The following RAB38 variants were observed in gnomAD, a reference collection of about 807,000 sequenced individuals.
RAB38 encodes the protein ras-related protein Rab-38.
RAB38 carries 15 observed loss-of-function variants against 18.4 expected under a neutral mutation model. The ratio of observed to expected loss-of-function variants is 0.82; its 90% CI spans 0.55 to 1.26. RAB38 has a LOEUF of 1.26. Ranked by LOEUF, RAB38 falls within the 50% of genes most tolerant of loss-of-function variation. The pLI, the probability that RAB38 is intolerant of heterozygous loss-of-function variation, is 0.00. For synonymous variants in RAB38, 101 were observed against 104.4 expected, an observed-to-expected ratio of 0.97 and a Z score of 0.20; for missense variants, 294 against 267.4, an observed-to-expected ratio of 1.10 and a Z score of -0.69.
chr11:88,155,762 A>G (rs1943117999), intron 1 of RAB38, among the ~76,000 whole-genome samples: 1 of 152,232 alleles, frequency 6.6e-6, no homozygotes, highest in African/African-American at 2.4e-5. Flanking sequence ...GAGATCCAAT[A>G]TAAGATTGAA....
the RAB38 span, among the ~76,000 whole-genome samples, chr11:88,027,819 C>A: frequency 6.6e-6 from 1 of 152,198 alleles, no homozygotes; most frequent in Non-Finnish European, 1.5e-5. Context: ...AACAAAAAGA[C>A]AGCAGTAACC....
At chr11:87,976,130 G>A in the RAB38 span, among the ~76,000 whole-genome samples, 14,891 of 147,968 alleles carry the variant, frequency 0.1, 909 homozygotes, top group South Asian at 0.18. Context: ...ATATATATAT[G>A]TGTGTGTGTG....
the RAB38 span, among the ~76,000 whole-genome samples, chr11:88,088,270 T>C: frequency 6.6e-6 from 1 of 151,996 alleles, no homozygotes; most frequent in Non-Finnish European, 1.5e-5. Context: ...TTTAACTATG[T>C]ATTTGTAAAA....
At chr11:88,056,371 G>C in the RAB38 span, among the ~76,000 whole-genome samples, 2 of 152,286 alleles carry the variant, frequency 1.3e-5, no homozygotes, top group Middle Eastern at 3.4e-3. Context: ...GAGTGTTATA[G>C]AAATCATGTG....
At chr11:88,011,964 G>A in the RAB38 span, among the ~76,000 whole-genome samples, 1 of 152,162 alleles carries the variant, frequency 6.6e-6, no homozygotes, top group Non-Finnish European at 1.5e-5. Context: ...CCAGATTAAA[G>A]CTACCATGGG....
the RAB38 span, chr11:88,098,636 G>C: frequency 3.9e-5 from 6 of 151,982 alleles, no homozygotes; most frequent in Middle Eastern, 3.4e-3. Context: ...CTTTTTGAAA[G>C]AATGTGTAAA....
At chr11:87,886,392 C>G in the RAB38 span, among the ~76,000 whole-genome samples, 1 of 151,734 alleles carries the variant, frequency 6.6e-6, no homozygotes, top group Non-Finnish European at 1.5e-5. Flanking sequence ...CCAGTCTCTC[C>G]CCTGGTGAGC....
the RAB38 span, among the ~76,000 whole-genome samples, chr11:87,953,183 TAA>T: frequency 2.6e-3 from 397 of 152,256 alleles, 2 homozygotes; most frequent in African/African-American, 8.9e-3. Flanking sequence ...ACAAGCTAGA[TAA>T]AGTCATTGTC....
chr11:87,933,308 C>T, the RAB38 span, among the ~76,000 whole-genome samples: 1 of 152,024 alleles, frequency 6.6e-6, no homozygotes, highest in Non-Finnish European at 1.5e-5. Context: ...CACTGGTATC[C>T]TCATTTTCCT....
At chr11:88,126,128 A>G (rs961791815) in intron 2 of RAB38, among the ~76,000 whole-genome samples, 1 of 152,186 alleles carries the variant, frequency 6.6e-6, no homozygotes, top group Non-Finnish European at 1.5e-5. Flanking sequence ...GCCTTGTAGC[A>G]TAGTTTGAAG....
chr11:87,805,164 T>C, the RAB38 span, among the ~76,000 whole-genome samples: 2 of 152,212 alleles, frequency 1.3e-5, no homozygotes, highest in East Asian at 3.8e-4. Context: ...GAAGCATTGG[T>C]GTATCTGGAG....
At chr11:87,888,940 G>A in the RAB38 span, among the ~76,000 whole-genome samples, 3,594 of 151,978 alleles carry the variant, frequency 0.024, 171 homozygotes, top group Admixed American at 0.12. Flanking sequence ...GGTTCATTGT[G>A]ATGCTTAGAC....
the RAB38 span, among the ~76,000 whole-genome samples, chr11:88,036,962 G>T: frequency 6.6e-6 from 1 of 151,950 alleles, no homozygotes; most frequent in Non-Finnish European, 1.5e-5. Context: ...TTTTGTGTGT[G>T]TGTCTTTGTC....
chr11:88,155,516 A>G (rs1943114455), intron 1 of RAB38, among the ~76,000 whole-genome samples: 1 of 152,222 alleles, frequency 6.6e-6, no homozygotes, highest in Non-Finnish European at 1.5e-5. Context: ...AGTATGATAG[A>G]GAAATAAAGA....
chr11:87,833,245 T>G, the RAB38 span, among the ~76,000 whole-genome samples: 1 of 152,198 alleles, frequency 6.6e-6, no homozygotes, highest in Non-Finnish European at 1.5e-5. Flanking sequence ...TTTAGCCTTT[T>G]TTTGTTTCAC....
At chr11:88,149,125 G>T (rs35214773) in intron 2 of RAB38, among the ~76,000 whole-genome samples, 15,980 of 152,042 alleles carry the variant, frequency 0.11, 1,068 homozygotes, top group African/African-American at 0.18. Flanking sequence ...GCCATCCAGG[G>T]GAAACAGCAT....
At chr11:88,016,336 TATAA>T in the RAB38 span, among the ~76,000 whole-genome samples, 10 of 152,162 alleles carry the variant, frequency 6.6e-5, no homozygotes, top group African/African-American at 2.4e-4. Context: ...TTCAACAGGT[TATAA>T]TGAGGACTTA....
At chr11:88,092,376 GAGAGAGAGAGAGAGAGAGAGAGAGA>G in the RAB38 span, among the ~76,000 whole-genome samples, 60 of 24,980 alleles carry the variant, frequency 2.4e-3, 14 homozygotes, top group African/African-American at 7.8e-3. Flanking sequence ...GAGAGAGAGA[GAGAGAGAGAGAGAGAGAGAGAGAGA>G]GAGAGAGAGA....
the RAB38 span, among the ~76,000 whole-genome samples, chr11:88,072,324 T>G: frequency 6.6e-6 from 1 of 152,170 alleles, no homozygotes; most frequent in East Asian, 1.9e-4. Context: ...TCAGCACACC[T>G]AAGGATAGGT....
Sources: allele counts gnomAD v4.1 joint callset (sites outside exome capture counted in the v4.1 genomes callset), GRCh38; gene constraint gnomAD v4.1.1; transcripts MANE v1.5; gene names NCBI Gene and HGNC (gene_info 2026-07-23, HGNC 2026-07-21).